CHFR: variants seen among roughly 807,000 people sequenced by gnomAD.
CHFR encodes the protein E3 ubiquitin-protein ligase CHFR.
CHFR carries 57 observed loss-of-function variants against 87.6 expected under a neutral mutation model. The observed-to-expected ratio is 0.65, with a 90% confidence interval of 0.53 to 0.81. The LOEUF is 0.81. CHFR is among the 30% of genes least tolerant of loss of function. The pLI is 0.00. For missense variants in CHFR, 797 were observed against 865.8 expected (o/e 0.92, Z 1.00); for synonymous variants, 381 against 359.2 (o/e 1.06, Z -0.69).
intron 6 of CHFR, among the ~76,000 whole-genome samples, chr12:132,868,765 T>C (rs1216458463): frequency 7.0e-6 from 1 of 142,532 alleles, no homozygotes; most frequent in Non-Finnish European, 1.5e-5. Context: ...CACACGCAGC[T>C]GCCAGGGGCT....
intron 2 of CHFR, chr12:132,882,822 C>G (rs987922550): frequency 3.3e-4 from 51 of 152,272 alleles, no homozygotes; most frequent in Admixed American, 3.0e-3. Flanking sequence ...CCTCCCACTT[C>G]AGCCTCCTGA....
chr12:132,872,063 G>A (rs1951502503), intron 4 of CHFR: 2 of 478,100 alleles, frequency 4.2e-6, no homozygotes, highest in Non-Finnish European at 3.7e-6. Flanking sequence ...GCTGCTCATG[G>A]CCACAGTGGT....
chr12:132,869,566 A>G (rs1951436679), intron 6 of CHFR, 53 bp downstream of exon 6: 1 of 1,490,870 alleles, frequency 6.7e-7, no homozygotes. Context: ...GGTAAAGAGT[A>G]GTGAACAAAA....
intron 2 of CHFR, among the ~76,000 whole-genome samples, chr12:132,882,578 G>A (rs1015718953): frequency 6.6e-6 from 1 of 151,938 alleles, no homozygotes; most frequent in Non-Finnish European, 1.5e-5. Context: ...ATCACCTGTG[G>A]TCAAGCTCTT....
chr12:132,860,457 G>T (rs1593480334), intron 7 of CHFR, among the ~76,000 whole-genome samples: 1 of 152,032 alleles, frequency 6.6e-6, no homozygotes, highest in Admixed American at 6.6e-5. Flanking sequence ...TTTTTCCTGT[G>T]TAACTGTTGC....
At chr12:132,847,021 A>C (rs757864134) in intron 15 of CHFR, 22 bp downstream of exon 15, 8 of 1,572,484 alleles carry the variant, frequency 5.1e-6, no homozygotes, top group Non-Finnish European at 3.5e-6. Flanking sequence ...GCCTTAGAGC[A>C]GGAGGCAACA....
rs749537035 is a variant in CHFR at position 132,859,183 on chromosome 12, G to C, written c.796C>G (p.Arg266Gly). Residue 266 changes from arginine to glycine, a missense_variant, in exon 8 of 18, where the codon CGT (arginine) becomes GGT (glycine). Around this residue, in one of 2 missense-constraint regions of CHFR, gnomAD observed 597 missense variants for 601.2 expected, o/e 0.99. Coordinates refer to ENST00000450056, the MANE Select transcript of CHFR (RefSeq NM_001161346.2). The part of the protein sequence containing the change: ...LNGQLLVAQP[R>G]RNAQTVHEDV... ...TCGTGGACGGTTTGGGCATTTCTAC[G>C]CGGTTGTGCGACCAACAACTGCCCG... The C allele has an allele frequency of 3.1e-6, 5 of 1,613,814 alleles. No homozygotes were observed. The highest frequency in any genetic ancestry group is 1.3e-5 in the African/African-American group (1 of 74,912).
chr12:132,848,586 C>G, intron 13 of CHFR, 55 bp downstream of exon 13: 1 of 1,383,336 alleles, frequency 7.2e-7, no homozygotes, highest in Non-Finnish European at 1.0e-6. Flanking sequence ...CCCTCAAGTT[C>G]ACCAAGAGAA....
intron 12 of CHFR, among the ~76,000 whole-genome samples, 176 bp downstream of exon 12, chr12:132,851,442 T>C (rs1391585729): frequency 1.3e-5 from 2 of 151,254 alleles, no homozygotes; most frequent in Admixed American, 6.6e-5. Flanking sequence ...TGTTACTAGA[T>C]GGTGGGAAAA....
At chr12:132,883,426 C>CA (rs1281973967) in intron 2 of CHFR, among the ~76,000 whole-genome samples, 1,614 of 92,960 alleles carry the variant, frequency 0.017, 39 homozygotes, top group African/African-American at 0.056. Flanking sequence ...AACTCCGTCT[C>CA]AAAAAAAAAA....
At position 132,836,655 on chromosome 12, in the gene CHFR, C is replaced by T. The variant is rs1950648916; in HGVS notation, c.*4899G>A. The T allele has an allele frequency of 1.8e-5, 8 of 456,114 alleles. No individual in the cohort carries two copies. The Admixed American group carries it at 1.9e-4, about 11-fold the overall frequency. The allele number at this position is 456,114 out of a possible 1,614,324, so 28.3% of individuals were successfully genotyped here. On this transcript the variant is annotated 3_prime_UTR_variant, in exon 18 of 18. Coordinates refer to ENST00000450056, the MANE Select transcript of CHFR (RefSeq NM_001161346.2). ...CCATTCCTTCCACAGACATGCACGA[C>T]CAAGTGTCTGCTCTGTGTGAGGAAC...
At position 132,877,576 on chromosome 12, in the gene CHFR, T is replaced by G; in HGVS notation, c.212A>C (p.Gln71Pro). The change falls in exon 3 of 18, where the codon CAG (glutamine) becomes CCG (proline). Residue 71 changes from glutamine (Q) to proline (P), a missense_variant. By Grantham distance (76) the Gln-to-Pro change is moderately conservative (BLOSUM62 -1). This residue lies in a region of CHFR where 597 missense variants were observed against 601.2 expected (regional missense o/e 0.99). Transcript: ENST00000450056. Reference sequence around the variant, plus strand: ...TCACCTGGTATCTTCCAGTGTCACCTGACCTGATTTTTCATCCACTACAAT... The same window carrying G: ...TCACCTGGTATCTTCCAGTGTCACCGGACCTGATTTTTCATCCACTACAAT... ...CRIVVDEKSG[Q>P]VTLEDTSTSG... 1 of 1,612,316 alleles carries G rather than the reference T, an allele frequency of 6.2e-7. No individual in the cohort carries two copies.
intron 12 of CHFR, chr12:132,849,236 A>G (rs1166263258): frequency 6.5e-6 from 1 of 153,088 alleles, no homozygotes; most frequent in Non-Finnish European, 1.5e-5. Context: ...GGCATGATGC[A>G]CTGCGCCCGG....
Position 132,835,193 on chromosome 12 carries a change from G to A in CHFR, c.*6361C>T, listed in dbSNP as rs1411450845. 6.6e-6 allele frequency: 1 copy of A among 152,206 alleles called. No homozygotes were observed. Among genetic ancestry groups the A allele is most frequent in the Admixed American group, 6.5e-5 (1 of 15,280 alleles). 9.4% of individuals were successfully genotyped at this position (152,206 alleles called of 1,614,324 possible). On this transcript the variant is annotated 3_prime_UTR_variant, in exon 18 of 18. Coordinates refer to ENST00000450056, the MANE Select transcript of CHFR (RefSeq NM_001161346.2). The stretch of plus-strand genomic sequence containing the variant: ...CGGATACGGGTATCTGTGGTGGCGG[G>A]ACGGGGACATGGCTCAGCCCACCAC...
chr12:132,872,970 A>G (rs1951525703), intron 3 of CHFR, among the ~76,000 whole-genome samples: 1 of 152,158 alleles, frequency 6.6e-6, no homozygotes, highest in East Asian at 1.9e-4. Flanking sequence ...TGACCCAGGG[A>G]CAGACAGGAG....
intron 16 of CHFR, 53 bp downstream of exon 16, chr12:132,843,974 A>C: frequency 8.3e-7 from 1 of 1,208,564 alleles, no homozygotes; most frequent in Admixed American, 1.9e-5. Flanking sequence ...GGCAGAAGCC[A>C]AGAAGCCAAC....
chr12:132,846,917 A>G, intron 15 of CHFR, 126 bp downstream of exon 15: 2 of 713,580 alleles, frequency 2.8e-6, no homozygotes, highest in Non-Finnish European at 2.5e-6. Flanking sequence ...ACCTGAAAGC[A>G]TCAGGATCTT....
At chr12:132,873,187 T>G (rs1951531596) in intron 3 of CHFR, among the ~76,000 whole-genome samples, 1 of 152,164 alleles carries the variant, frequency 6.6e-6, no homozygotes, top group African/African-American at 2.4e-5. Context: ...AGAACTCACA[T>G]CCGAGTGACC....
intron 8 of CHFR, among the ~76,000 whole-genome samples, chr12:132,857,875 A>T (rs1951118566): frequency 6.6e-6 from 1 of 152,238 alleles, no homozygotes; most frequent in African/African-American, 2.4e-5. Flanking sequence ...GCCCTTCCTC[A>T]GCGGCTCCTA....
Sources: allele counts gnomAD v4.1 joint callset (sites outside exome capture counted in the v4.1 genomes callset), GRCh38; gene constraint gnomAD v4.1.1; regional missense constraint gnomAD v4.1.1; transcripts MANE v1.5; gene names NCBI Gene and HGNC (gene_info 2026-07-23, HGNC 2026-07-21).